Variants in LGSN observed in about 807,000 individuals in gnomAD.
The protein encoded by LGSN is lengsin, lens protein with glutamine synthetase domain.
Under a neutral mutation model 19.5 loss-of-function variants are expected in LGSN, and 21 were observed. The observed-to-expected ratio is 1.07, with a 90% CI of 0.76 to 1.55. The LOEUF (loss-of-function observed/expected upper bound fraction) is 1.55, where lower values mean the gene tolerates loss of function less well. Among genes scored for constraint, LGSN ranks in the 40% most tolerant of loss-of-function variants. LGSN has a pLI of 0.00. For missense variants in LGSN, 673 were observed against 608.5 expected, an observed-to-expected ratio of 1.11 and a Z score of -1.12; for synonymous variants, 257 against 215.6, an observed-to-expected ratio of 1.19 and a Z score of -1.68.
intron 1 of LGSN, among the ~76,000 whole-genome samples, chr6:63,318,662 A>T (rs1382436435): frequency 6.6e-6 from 1 of 152,148 alleles, no homozygotes; most frequent in Admixed American, 6.5e-5. Flanking sequence ...TCCTAAGAGT[A>T]AACAATCAAC....
the LGSN span, among the ~76,000 whole-genome samples, chr6:63,475,012 G>A: frequency 1.8e-4 from 27 of 151,838 alleles, no homozygotes; most frequent in Admixed American, 5.3e-4. Flanking sequence ...AGTTTAATAT[G>A]CAAACGAAAT....
chr6:63,506,268 T>G, the LGSN span, among the ~76,000 whole-genome samples: 12 of 152,054 alleles, frequency 7.9e-5, no homozygotes, highest in South Asian at 4.2e-4. Context: ...GTTGTTGTTG[T>G]TGTTGTTGTT....
the LGSN span, among the ~76,000 whole-genome samples, chr6:63,564,288 AAAG>A: frequency 1.3e-5 from 2 of 151,990 alleles, no homozygotes; most frequent in African/African-American, 4.8e-5. Flanking sequence ...AAAAAAAAAA[AAAG>A]AGAGAAATTT....
At chr6:63,490,248 AG>A in the LGSN span, among the ~76,000 whole-genome samples, 3 of 152,188 alleles carry the variant, frequency 2.0e-5, no homozygotes, top group Admixed American at 6.5e-5. Context: ...GCCTGTTTTC[AG>A]GTCATCCGTG....
the LGSN span, among the ~76,000 whole-genome samples, chr6:63,343,471 C>G: frequency 6.6e-6 from 1 of 152,182 alleles, no homozygotes; most frequent in Non-Finnish European, 1.5e-5. Context: ...CAGTCCTGCT[C>G]TACCCTTAGT....
At chr6:63,307,808 T>C (rs1325635100) in intron 1 of LGSN, among the ~76,000 whole-genome samples, 1 of 152,166 alleles carries the variant, frequency 6.6e-6, no homozygotes, top group African/African-American at 2.4e-5. Context: ...GAGGTGACTT[T>C]CATTGGGTCA....
chr6:63,287,783 AAAG>A (rs575834470), intron 2 of LGSN, among the ~76,000 whole-genome samples: 137 of 152,278 alleles, frequency 9.0e-4, no homozygotes, highest in Non-Finnish European at 1.7e-3. Flanking sequence ...CATAGGCTAT[AAAG>A]AAGACATCTC....
chr6:63,536,284 C>A, the LGSN span, among the ~76,000 whole-genome samples: 1 of 152,102 alleles, frequency 6.6e-6, no homozygotes, highest in East Asian at 1.9e-4. Flanking sequence ...GAGCTGAAAT[C>A]CTGCCACTGC....
the LGSN span, among the ~76,000 whole-genome samples, chr6:63,465,903 G>A: frequency 6.6e-6 from 1 of 152,172 alleles, no homozygotes; most frequent in Non-Finnish European, 1.5e-5. Flanking sequence ...CTGGAAACAA[G>A]TGAAAAATGA....
chr6:63,460,099 CCT>C, the LGSN span, among the ~76,000 whole-genome samples: 3 of 115,912 alleles, frequency 2.6e-5, no homozygotes, highest in Non-Finnish European at 3.6e-5. Context: ...GATTTCATTC[CCT>C]TTTTTTTTTT....
At chr6:63,505,627 A>AAGAAAGAG in the LGSN span, among the ~76,000 whole-genome samples, 1 of 102,788 alleles carries the variant, frequency 9.7e-6, no homozygotes, top group Non-Finnish European at 2.2e-5. Flanking sequence ...GAAAGAAAGA[A>AAGAAAGAG]AGAAAGAAAT....
chr6:63,568,036 G>A, the LGSN span, among the ~76,000 whole-genome samples: 1 of 152,208 alleles, frequency 6.6e-6, no homozygotes, highest in Non-Finnish European at 1.5e-5. Flanking sequence ...ATTAGGCTTT[G>A]ACTTAAGAGA....
At chr6:63,336,297 C>A in the LGSN span, among the ~76,000 whole-genome samples, 1 of 152,038 alleles carries the variant, frequency 6.6e-6, no homozygotes, top group Non-Finnish European at 1.5e-5. Context: ...ACCTTAAATA[C>A]TTGATTTGAT....
At chr6:63,382,364 C>T in the LGSN span, among the ~76,000 whole-genome samples, 1 of 152,188 alleles carries the variant, frequency 6.6e-6, no homozygotes, top group East Asian at 1.9e-4. Flanking sequence ...TTTCACCTCA[C>T]CTGTCTTGCA....
chr6:63,308,402 G>A (rs533774461), intron 1 of LGSN, among the ~76,000 whole-genome samples: 1 of 152,082 alleles, frequency 6.6e-6, no homozygotes, highest in African/African-American at 2.4e-5. Context: ...TTTAATATAA[G>A]TTTATCATTT....
chr6:63,412,707 GAGGGAA>G, the LGSN span, among the ~76,000 whole-genome samples: 1 of 91,420 alleles, frequency 1.1e-5, no homozygotes, highest in African/African-American at 6.2e-5. Context: ...AAGAAAGAAA[GAGGGAA>G]GGAAGGAAAG....
chr6:63,381,583 A>AC, the LGSN span, among the ~76,000 whole-genome samples: 1 of 152,270 alleles, frequency 6.6e-6, no homozygotes, highest in Non-Finnish European at 1.5e-5. Context: ...ACTGGTTAAT[A>AC]CCATTTAAAA....
At chr6:63,305,841 A>G (rs1768362513) in intron 1 of LGSN, among the ~76,000 whole-genome samples, 1 of 152,102 alleles carries the variant, frequency 6.6e-6, no homozygotes, top group African/African-American at 2.4e-5. Context: ...TGGGTGGATC[A>G]CTTGAGGCCA....
intron 1 of LGSN, among the ~76,000 whole-genome samples, chr6:63,309,077 C>T (rs542237827): frequency 1.3e-3 from 193 of 152,184 alleles, no homozygotes; most frequent in Non-Finnish European, 2.1e-3. Flanking sequence ...AAGTAGCATA[C>T]GAGAAAGTAG....
Sources: allele counts gnomAD v4.1 joint callset (sites outside exome capture counted in the v4.1 genomes callset), GRCh38; gene constraint gnomAD v4.1.1; transcripts MANE v1.5; gene names NCBI Gene and HGNC (gene_info 2026-07-23, HGNC 2026-07-21).